Variants in NUDT4 observed in about 807,000 individuals in gnomAD.
NUDT4 encodes the protein diphosphoinositol polyphosphate phosphohydrolase 2.
A neutral mutation model predicts 23.1 loss-of-function variants in NUDT4; 5 were observed. The ratio of observed to expected loss-of-function variants is 0.22; its 90% CI spans 0.11 to 0.46. The LOEUF (loss-of-function observed/expected upper bound fraction) is 0.46, where lower values mean the gene tolerates loss of function less well. Among genes scored for constraint, NUDT4 ranks in the 20% least tolerant of loss-of-function variants. NUDT4 has a pLI of 0.99. For synonymous variants in NUDT4, 50 were observed against 79.0 expected, an observed-to-expected ratio of 0.63 and a Z score of 1.95; for missense variants, 96 against 211.6, an observed-to-expected ratio of 0.45 and a Z score of 3.39.
In NUDT4 at chr12:93,406,756, A is replaced by G. The variant is rs1565790145; in HGVS notation, c.*7377A>G. On this transcript the variant is annotated 3_prime_UTR_variant, in exon 5 of 5. Transcript: ENST00000415493. Reference sequence around the variant, plus strand: ...AAGCGGGAGGATTTGTGTAGATTGTATGCATATACAACATCATTTTATTCC... The same window carrying G: ...AAGCGGGAGGATTTGTGTAGATTGTGTGCATATACAACATCATTTTATTCC... The G allele has an allele frequency of 6.6e-6, 1 of 152,160 alleles. No homozygotes were observed. Among genetic ancestry groups the G allele is most frequent in the East Asian group, 1.9e-4 (1 of 5,174 alleles). 9.4% of individuals were successfully genotyped at this position (152,160 alleles called of 1,614,324 possible).
intron 3 of NUDT4, among the ~76,000 whole-genome samples, chr12:93,397,892 T>G (rs909405918): frequency 6.6e-6 from 1 of 152,176 alleles, no homozygotes; most frequent in Non-Finnish European, 1.5e-5. Context: ...TGGTGCTGTT[T>G]GCTCTTACAA....
intron 3 of NUDT4, among the ~76,000 whole-genome samples, chr12:93,396,618 T>C (rs1876951810): frequency 6.6e-6 from 1 of 152,054 alleles, no homozygotes; most frequent in Non-Finnish European, 1.5e-5. Context: ...AATACAGTAA[T>C]TAAGAGTAAA....
chr12:93,398,665 A>G, intron 3 of NUDT4, 106 bp from the exon 4 acceptor site: 2 of 687,226 alleles, frequency 2.9e-6, no homozygotes, highest in Non-Finnish European at 5.2e-6. Context: ...GCTGGGAAAT[A>G]CGCTATGCTA....
At chr12:93,383,290 GC>G (rs574562046) in intron 1 of NUDT4, among the ~76,000 whole-genome samples, 5 of 152,142 alleles carry the variant, frequency 3.3e-5, no homozygotes, top group Non-Finnish European at 7.3e-5. Context: ...GGTCTACTCT[GC>G]CTCTGGTCCA....
chr12:93,385,575 G>A (rs1875996994), intron 1 of NUDT4, among the ~76,000 whole-genome samples: 1 of 152,114 alleles, frequency 6.6e-6, no homozygotes, highest in Non-Finnish European at 1.5e-5. Context: ...TGTAGAATGA[G>A]CTTTTATAAC....
Position 93,392,243 on chromosome 12 carries a change from T to TCCC in NUDT4, c.100-2357_100-2355dup, listed in dbSNP as rs377016882. 3.5e-3 allele frequency among the ~76,000 whole-genome samples: 419 copies of TCCC among 118,386 alleles called. 7 individuals carry two copies. Among genetic ancestry groups the TCCC allele is most frequent in the East Asian group, 8.6e-3 (29 of 3,384 alleles). 77.7% of individuals were successfully genotyped at this position (118,386 alleles called of 152,430 possible). The stretch of plus-strand genomic sequence containing the variant: ...GCTAGCCCACAAATATTCCTTTGTT[T>TCCC]CCCCCCCCCCCTTTTTTTTTTCCTT... On this transcript the variant is annotated intron_variant, in intron 1 of 4. Coordinates refer to ENST00000415493, the MANE Select transcript of NUDT4 (RefSeq NM_019094.6).
At chr12:93,397,961 G>C (rs759733820) in intron 3 of NUDT4, among the ~76,000 whole-genome samples, 1 of 152,264 alleles carries the variant, frequency 6.6e-6, no homozygotes, top group South Asian at 2.1e-4. Flanking sequence ...TAGCCCCAGG[G>C]AAGAGGGGAT....
chr12:93,387,929 T>C (rs1027450313), intron 1 of NUDT4, among the ~76,000 whole-genome samples: 2 of 152,184 alleles, frequency 1.3e-5, no homozygotes, highest in African/African-American at 4.8e-5. Flanking sequence ...CCCTCAGTTC[T>C]TGCTCACTCT....
intron 1 of NUDT4, among the ~76,000 whole-genome samples, chr12:93,386,579 CAA>C (rs796118876): frequency 7.5e-6 from 1 of 133,352 alleles, no homozygotes; most frequent in Non-Finnish European, 1.6e-5. Flanking sequence ...GACCCTGTTT[CAA>C]AAAAAAAAAA....
Position 93,395,552 on chromosome 12 carries a change from T to C in NUDT4, c.255+19T>C, listed in dbSNP as rs763942866. The C allele has an allele frequency of 3.9e-5, 62 of 1,582,618 alleles. No individual in the cohort carries two copies. The highest frequency in any genetic ancestry group is 5.4e-5 in the Non-Finnish European group (62 of 1,151,464). On this transcript the variant is annotated intron_variant, in intron 3 of 4. Transcript: ENST00000415493. ...ATTTGAGGTGAGTTAAAAAGTAATCTTCACTTTGCTGATAATAGAATTAAT... is the reference window on the plus strand; with the variant it reads ...ATTTGAGGTGAGTTAAAAAGTAATCCTCACTTTGCTGATAATAGAATTAAT...
chr12:93,382,694 T>C (rs904935466), intron 1 of NUDT4, among the ~76,000 whole-genome samples: 1 of 139,956 alleles, frequency 7.1e-6, no homozygotes, highest in African/African-American at 2.7e-5. Flanking sequence ...TTTTTTTTTT[T>C]GAGACAGAGT....
intron 1 of NUDT4, among the ~76,000 whole-genome samples, chr12:93,388,852 AT>A (rs1000900433): frequency 6.6e-6 from 1 of 152,198 alleles, no homozygotes; most frequent in Non-Finnish European, 1.5e-5. Context: ...TGAATTTTAA[AT>A]TTTATTTAAT....
At chr12:93,389,186 C>G (rs143251905) in intron 1 of NUDT4, among the ~76,000 whole-genome samples, 50 of 151,834 alleles carry the variant, frequency 3.3e-4, no homozygotes, top group Admixed American at 3.2e-3. Context: ...TTGAAAGATA[C>G]ATTTGGCTGG....
intron 3 of NUDT4, among the ~76,000 whole-genome samples, chr12:93,396,007 C>T (rs1565782557): frequency 6.6e-6 from 1 of 152,260 alleles, no homozygotes; most frequent in Non-Finnish European, 1.5e-5. Flanking sequence ...GCGTGAGCCA[C>T]TGTGCCCGGC....
chr12:93,389,794 G>A lies in NUDT4; in HGVS notation c.100-4815G>A, dbSNP rs546522287. ...TGGGAGCCTGTAATCCCAGCTACTC[G>A]GGAGGCTGAGGGAGGGAATTGCTTG... On this transcript the variant is annotated intron_variant, in intron 1 of 4. Transcript: ENST00000415493. 7.2e-5 allele frequency among the ~76,000 whole-genome samples: 11 copies of A among 151,854 alleles called. 1 individual carries two copies. In the South Asian group the frequency reaches 1.9e-3, roughly 26 times the overall value.
rs1186760007 is a variant in NUDT4 at position 93,407,634 on chromosome 12, G to T, written c.*8255G>T. The T allele has an allele frequency of 6.6e-6, 1 of 152,196 alleles. No homozygotes were observed. Among genetic ancestry groups the T allele is most frequent in the Non-Finnish European group, 1.5e-5 (1 of 68,038 alleles). 9.4% of individuals were successfully genotyped at this position (152,196 alleles called of 1,614,324 possible). A position where few individuals can be genotyped will look rare whatever the true frequency, so the allele number is the denominator to read the frequency against. ...CAGGTCTACTGTTGCCAGATCTTCAGATCATTCAAAAGTTACCCGAATTCT... is the reference window on the plus strand; with the variant it reads ...CAGGTCTACTGTTGCCAGATCTTCATATCATTCAAAAGTTACCCGAATTCT... On this transcript the variant is annotated 3_prime_UTR_variant, in exon 5 of 5. Transcript: ENST00000415493.
At chr12:93,395,696 A>T (rs537287945) in intron 3 of NUDT4, among the ~76,000 whole-genome samples, 163 bp downstream of exon 3, 1 of 152,220 alleles carries the variant, frequency 6.6e-6, no homozygotes, top group East Asian at 1.9e-4. Flanking sequence ...CCACTTTTTC[A>T]TATGCCACCA....
At chr12:93,394,281 C>T (rs947287139) in intron 1 of NUDT4, among the ~76,000 whole-genome samples, 4 of 152,110 alleles carry the variant, frequency 2.6e-5, no homozygotes, top group East Asian at 1.9e-4. Context: ...GGATTACAGG[C>T]GTGAGCCACC....
At chr12:93,395,707 C>G (rs926529148) in intron 3 of NUDT4, among the ~76,000 whole-genome samples, 174 bp downstream of exon 3, 5 of 152,000 alleles carry the variant, frequency 3.3e-5, no homozygotes, top group African/African-American at 1.2e-4. Flanking sequence ...TATGCCACCA[C>G]TTTTATTTAT....
Sources: gnomAD v4.1 joint callset for allele counts (sites outside exome capture counted in the v4.1 genomes callset) on GRCh38, gnomAD v4.1.1 for gene constraint, MANE v1.5 for transcripts, NCBI Gene and HGNC (gene_info 2026-07-23, HGNC 2026-07-21) for gene names.